PDE6A: variants seen among roughly 807,000 people sequenced by gnomAD.
PDE6A encodes phosphodiesterase 6A.
PDE6A carries 84 observed loss-of-function variants against 106.3 expected under a neutral mutation model. That is an observed-to-expected ratio of 0.79 (90% CI 0.66 to 0.95). The LOEUF (loss-of-function observed/expected upper bound fraction) is 0.95, where lower values mean the gene tolerates loss of function less well. Ranked by LOEUF, PDE6A falls within the 40% of genes least tolerant of loss-of-function variation. The probability of loss-of-function intolerance (pLI) is 0.00; values close to 1 mark genes in which losing one functional copy is unlikely to be tolerated. For synonymous variants in PDE6A, 394 were observed against 386.6 expected (o/e 1.02, Z -0.23); for missense variants, 1,052 against 1,084.9 (o/e 0.97, Z 0.43).
chr5:149,934,519 G>A, intron 2 of PDE6A, 47 bp downstream of exon 2: 2 of 1,600,166 alleles, frequency 1.2e-6, no homozygotes, highest in South Asian at 2.2e-5. Context: ...TCATAGGCTG[G>A]GAGAATGTGC....
chr5:149,883,331 A>C, intron 17 of PDE6A, 98 bp downstream of exon 17: 1 of 804,534 alleles, frequency 1.2e-6, no homozygotes, highest in Non-Finnish European at 2.2e-6. Context: ...AAAATGAAAT[A>C]GTCCCAAGGC....
At chr5:149,866,415 C>A in intron 19 of PDE6A, 162 bp from the exon 20 acceptor site, 1 of 601,248 alleles carries the variant, frequency 1.7e-6, no homozygotes, top group Non-Finnish European at 3.0e-6. Context: ...TAAAGAACAC[C>A]ATGAGGGTGT....
At chr5:149,884,344 G>A (rs1191677157) in intron 16 of PDE6A, 135 bp downstream of exon 16, 8 of 642,190 alleles carry the variant, frequency 1.2e-5, no homozygotes, top group Admixed American at 4.8e-5. Flanking sequence ...GTATATATAT[G>A]TGTGTATATA....
intron 13 of PDE6A, among the ~76,000 whole-genome samples, chr5:149,888,960 G>C (rs769952986): frequency 5.9e-5 from 9 of 151,658 alleles, no homozygotes; most frequent in African/African-American, 1.5e-4. Flanking sequence ...GCGGGCGCCT[G>C]TAGTCCCAGC....
intron 17 of PDE6A, among the ~76,000 whole-genome samples, chr5:149,882,885 C>T (rs937737597): frequency 4.6e-5 from 7 of 152,120 alleles, no homozygotes; most frequent in South Asian, 2.1e-4. Context: ...TGGCAAAACC[C>T]GGTCTCGACT....
chr5:149,932,411 G>A, intron 3 of PDE6A: 2 of 1,351,106 alleles, frequency 1.5e-6, no homozygotes, highest in Admixed American at 1.8e-5. Context: ...TTTTTAGTGC[G>A]AGGAGTTTAA....
intron 4 of PDE6A, among the ~76,000 whole-genome samples, chr5:149,926,293 T>C (rs1581205899): frequency 6.6e-6 from 1 of 151,580 alleles, no homozygotes. Context: ...TGGAACAAAA[T>C]AGAGAATCCA....
intron 17 of PDE6A, among the ~76,000 whole-genome samples, chr5:149,869,648 G>A (rs372124770): frequency 1.3e-5 from 2 of 152,332 alleles, no homozygotes; most frequent in South Asian, 4.1e-4. Flanking sequence ...AACGGTTGAA[G>A]GTTAAAGGCC....
At chr5:149,921,817 G>T in intron 4 of PDE6A, 108 bp from the exon 5 acceptor site, 1 of 861,472 alleles carries the variant, frequency 1.2e-6, no homozygotes, top group Non-Finnish European at 1.9e-6. Context: ...TAGAAAGTGA[G>T]AAGAACTCAG....
At chr5:149,904,427 C>T (rs1204200384) in intron 7 of PDE6A, among the ~76,000 whole-genome samples, 1 of 152,122 alleles carries the variant, frequency 6.6e-6, no homozygotes, top group Non-Finnish European at 1.5e-5. Flanking sequence ...GATCAGATGA[C>T]ACTTATCTGA....
intron 8 of PDE6A, among the ~76,000 whole-genome samples, chr5:149,902,631 A>G (rs139574601): frequency 5.9e-5 from 9 of 152,078 alleles, no homozygotes; most frequent in African/African-American, 2.2e-4. Flanking sequence ...GACCAATCTG[A>G]TCAACATGGC....
In PDE6A at chr5:149,860,963, C is replaced by T; in HGVS notation, c.2515G>A (p.Gly839Arg). The T allele has an allele frequency of 6.2e-7, 1 of 1,614,078 alleles. No individual in the cohort carries two copies. Residue 839 changes from glycine to arginine, a missense_variant, in exon 22 of 22, where the codon GGA (glycine) becomes AGA (arginine). This residue lies in a region of PDE6A where 135 missense variants were observed against 153.2 expected (regional missense o/e 0.88). Transcript: ENST00000255266. ...KQQSAKSAAA[G>R]NQPGGNPSPG... The stretch of plus-strand genomic sequence containing the variant: ...CTGGGGTTTCCCCCCGGCTGATTTC[C>T]TGCGGCTGCTGCAATGAAACAGGAA...
intron 1 of PDE6A, among the ~76,000 whole-genome samples, chr5:149,940,424 C>T (rs1010199651): frequency 3.9e-5 from 6 of 152,012 alleles, no homozygotes; most frequent in African/African-American, 1.5e-4. Context: ...TGTGGGAGCC[C>T]ACCGGGTATG....
chr5:149,864,778 G>C (rs953996711), intron 20 of PDE6A, among the ~76,000 whole-genome samples: 2 of 152,176 alleles, frequency 1.3e-5, no homozygotes, highest in African/African-American at 4.8e-5. Flanking sequence ...CCTGGGTTCC[G>C]GTCCAGGCTC....
At chr5:149,865,672 C>T (rs775202329) in intron 20 of PDE6A, among the ~76,000 whole-genome samples, 3 of 152,214 alleles carry the variant, frequency 2.0e-5, no homozygotes, top group Non-Finnish European at 2.9e-5. Flanking sequence ...TGTCACTTTG[C>T]ATCTCTGACT....
Position 149,899,423 on chromosome 5 carries a change from A to G in PDE6A, c.1215T>C (p.Asn405=), listed in dbSNP as rs1406790980. 6.2e-7 allele frequency: 1 copy of G among 1,614,130 alleles called. No individual in the cohort carries two copies. The highest frequency in any genetic ancestry group is 8.5e-7 in the Non-Finnish European group (1 of 1,180,014). Residue 405 remains asparagine, a synonymous_variant, in exon 9 of 22, where the codon AAT becomes AAC. Transcript: ENST00000255266. ...EEIVGVATFY[N]RKDGKPFDEM... is the part of the protein sequence containing the mutation. Reference sequence around the variant, plus strand: ...CATCAAAGGGCTTCCCATCTTTACGATTGTAAAATGTGGCCACTCCAACAA... The same window carrying G: ...CATCAAAGGGCTTCCCATCTTTACGGTTGTAAAATGTGGCCACTCCAACAA...
At chr5:149,883,127 A>G (rs1366650548) in intron 17 of PDE6A, among the ~76,000 whole-genome samples, 1 of 152,226 alleles carries the variant, frequency 6.6e-6, no homozygotes, top group East Asian at 1.9e-4. Flanking sequence ...CAAAAACTTA[A>G]AAGTTATATC....
At chr5:149,913,365 G>C (rs1482549883) in intron 6 of PDE6A, among the ~76,000 whole-genome samples, 1 of 139,682 alleles carries the variant, frequency 7.2e-6, no homozygotes, top group Non-Finnish European at 1.5e-5. Flanking sequence ...CTGGGAGACA[G>C]AGCAGGACTC....
At chr5:149,930,678 A>T (rs949498998) in intron 4 of PDE6A, among the ~76,000 whole-genome samples, 2 of 152,172 alleles carry the variant, frequency 1.3e-5, no homozygotes, top group Non-Finnish European at 2.9e-5. Context: ...CTTTCAGTAC[A>T]TTTTTTGAGA....
Sources: gnomAD v4.1 joint callset for allele counts (sites outside exome capture counted in the v4.1 genomes callset) on GRCh38, gnomAD v4.1.1 for gene constraint, gnomAD v4.1.1 regional missense constraint, MANE v1.5 for transcripts, NCBI Gene and HGNC (gene_info 2026-07-23, HGNC 2026-07-21) for gene names.